Variants in DRC11 observed in about 807,000 individuals in gnomAD.
DRC11 encodes dynein regulatory complex subunit 11.
At chr2:236,485,612 A>T in the DRC11 span, among the ~76,000 whole-genome samples, 1 of 152,368 alleles carries the variant, frequency 6.6e-6, no homozygotes, top group East Asian at 1.9e-4. Context: ...TTCTCTGGTC[A>T]TAATGAGCTT....
the DRC11 span, among the ~76,000 whole-genome samples, chr2:236,442,090 G>A: frequency 5.3e-5 from 8 of 152,078 alleles, no homozygotes; most frequent in African/African-American, 1.9e-4. Flanking sequence ...GATAGAACAA[G>A]ATCCTATCTC....
the DRC11 span, chr2:236,419,031 C>G: frequency 7.2e-7 from 1 of 1,385,988 alleles, no homozygotes; most frequent in Non-Finnish European, 9.4e-7. The surrounding 1 kb of genome is among the most constrained non-coding windows in gnomAD (Gnocchi z 4.8). Flanking sequence ...CATGGTTTCT[C>G]TAGGAAACAA....
chr2:236,360,596 C>G, the DRC11 span, among the ~76,000 whole-genome samples: 1 of 152,120 alleles, frequency 6.6e-6, no homozygotes, highest in African/African-American at 2.4e-5. This position sits in a 1 kb window ranked among gnomAD's most constrained non-coding sequence, Gnocchi z 5.8. Flanking sequence ...CACATGGAGG[C>G]CACAAGTCAG....
the DRC11 span, among the ~76,000 whole-genome samples, chr2:236,454,363 G>T: frequency 6.6e-6 from 1 of 152,156 alleles, no homozygotes; most frequent in African/African-American, 2.4e-5. The surrounding 1 kb of genome is among the most constrained non-coding windows in gnomAD (Gnocchi z 5.3). Flanking sequence ...AGTGAATAAT[G>T]CCTGGACCTT....
At chr2:236,486,809 A>G in the DRC11 span, 1 of 1,540,752 alleles carries the variant, frequency 6.5e-7, no homozygotes, top group East Asian at 2.2e-5. This position sits in a 1 kb window ranked among gnomAD's most constrained non-coding sequence, Gnocchi z 5.7. Flanking sequence ...ACCAGATGCT[A>G]TCTCTTAAAA....
At chr2:236,470,170 C>T in the DRC11 span, among the ~76,000 whole-genome samples, 1 of 152,152 alleles carries the variant, frequency 6.6e-6, no homozygotes, top group Non-Finnish European at 1.5e-5. This position sits in a 1 kb window ranked among gnomAD's most constrained non-coding sequence, Gnocchi z 5.1. Flanking sequence ...AATCCTTCTT[C>T]AAATTAGTAA....
At chr2:236,451,655 G>C in the DRC11 span, among the ~76,000 whole-genome samples, 1 of 152,154 alleles carries the variant, frequency 6.6e-6, no homozygotes, top group East Asian at 1.9e-4. Context: ...ACCCAGTGGA[G>C]CCCACTGGCC....
At chr2:236,382,545 A>G in the DRC11 span, among the ~76,000 whole-genome samples, 1 of 152,290 alleles carries the variant, frequency 6.6e-6, no homozygotes, top group African/African-American at 2.4e-5. Flanking sequence ...CCTAATGGAC[A>G]TTTTTACTAT....
the DRC11 span, among the ~76,000 whole-genome samples, chr2:236,447,423 A>G: frequency 6.6e-6 from 1 of 151,654 alleles, no homozygotes; most frequent in African/African-American, 2.4e-5. This position sits in a 1 kb window ranked among gnomAD's most constrained non-coding sequence, Gnocchi z 4.6. Context: ...CCCTGGTGCC[A>G]GAAAGGTTGG....
At chr2:236,381,579 A>G in the DRC11 span, among the ~76,000 whole-genome samples, 10,344 of 151,180 alleles carry the variant, frequency 0.068, 615 homozygotes, top group African/African-American at 0.15. The surrounding 1 kb of genome is among the most constrained non-coding windows in gnomAD (Gnocchi z 5.8). Flanking sequence ...AGTCCCAATC[A>G]CCTTTCTCTG....
chr2:236,433,366 G>A, the DRC11 span, among the ~76,000 whole-genome samples: 3 of 152,272 alleles, frequency 2.0e-5, no homozygotes, highest in African/African-American at 7.2e-5. Flanking sequence ...AGGTATGTAT[G>A]GTGTGAGCAT....
the DRC11 span, among the ~76,000 whole-genome samples, chr2:236,379,049 G>A: frequency 3.3e-5 from 5 of 152,130 alleles, no homozygotes; most frequent in Admixed American, 6.5e-5. Context: ...CCAGGGCCGC[G>A]GCAGTGTTCT....
the DRC11 span, chr2:236,408,188 C>A: frequency 4.0e-6 from 3 of 746,654 alleles, no homozygotes; most frequent in South Asian, 4.0e-5. The surrounding 1 kb of genome is among the most constrained non-coding windows in gnomAD (Gnocchi z 5.5). Flanking sequence ...AGTTTGTCGT[C>A]CTTGATAAGG....
the DRC11 span, among the ~76,000 whole-genome samples, chr2:236,375,670 A>G: frequency 3.3e-5 from 5 of 152,338 alleles, no homozygotes; most frequent in Admixed American, 1.3e-4. The surrounding 1 kb of genome is among the most constrained non-coding windows in gnomAD (Gnocchi z 4.2). Context: ...TCAAAGGAGA[A>G]TGCCAGCCTT....
chr2:236,429,378 A>G, the DRC11 span, among the ~76,000 whole-genome samples: 3 of 152,168 alleles, frequency 2.0e-5, no homozygotes, highest in East Asian at 5.8e-4. The surrounding 1 kb of genome is among the most constrained non-coding windows in gnomAD (Gnocchi z 5.9). Flanking sequence ...GGGCATCTTT[A>G]GGCTGAGCTG....
the DRC11 span, chr2:236,344,480 A>G: frequency 1.0e-6 from 1 of 975,712 alleles, no homozygotes; most frequent in Admixed American, 2.2e-5. Context: ...ACCTTCTCAA[A>G]AAGTAGAGGT....
the DRC11 span, among the ~76,000 whole-genome samples, chr2:236,491,669 C>T: frequency 6.6e-6 from 1 of 152,106 alleles, no homozygotes; most frequent in Non-Finnish European, 1.5e-5. Flanking sequence ...GTGAGTGCTT[C>T]GCTCTGACTG....
the DRC11 span, among the ~76,000 whole-genome samples, chr2:236,407,595 C>A: frequency 1.3e-5 from 2 of 152,158 alleles, no homozygotes; most frequent in African/African-American, 4.8e-5. Flanking sequence ...TACACACACA[C>A]ACGGGCCACA....
At chr2:236,401,135 C>T in the DRC11 span, among the ~76,000 whole-genome samples, 1 of 152,164 alleles carries the variant, frequency 6.6e-6, no homozygotes, top group Non-Finnish European at 1.5e-5. This position sits in a 1 kb window ranked among gnomAD's most constrained non-coding sequence, Gnocchi z 4.6. Context: ...ACACACAACC[C>T]CCACAGGTGT....
Sources: allele counts gnomAD v4.1 joint callset (sites outside exome capture counted in the v4.1 genomes callset), GRCh38; gene constraint gnomAD v4.1.1; non-coding constraint Gnocchi (gnomAD v3.1); transcripts MANE v1.5; gene names NCBI Gene and HGNC (gene_info 2026-07-23, HGNC 2026-07-21).